The following PPFIBP1 variants were observed in gnomAD, a reference collection of about 807,000 sequenced individuals.
PPFIBP1 encodes the protein PPFIB scaffold protein 1, also known as liprin-beta-1.
PPFIBP1 carries 112 observed loss-of-function variants against 137.8 expected under a neutral mutation model. That is an observed-to-expected ratio of 0.81 (90% CI 0.70 to 0.95). The LOEUF (loss-of-function observed/expected upper bound fraction) is 0.95. PPFIBP1 is among the 40% of genes least tolerant of loss of function. The pLI is 0.00. For missense variants in PPFIBP1, 1,083 were observed against 1,196.6 expected, an observed-to-expected ratio of 0.91 and a Z score of 1.40; for synonymous variants, 378 against 417.3, an observed-to-expected ratio of 0.91 and a Z score of 1.15.
intron 2 of PPFIBP1, among the ~76,000 whole-genome samples, chr12:27,579,254 A>G (rs1389827046): frequency 1.3e-5 from 2 of 152,352 alleles, no homozygotes; most frequent in Non-Finnish European, 2.9e-5. Context: ...TATGCAAACC[A>G]AAGGGCACGG....
chr12:27,569,765 T>C (rs995378967), intron 1 of PPFIBP1, among the ~76,000 whole-genome samples: 1 of 152,154 alleles, frequency 6.6e-6, no homozygotes, highest in African/African-American at 2.4e-5. Context: ...TTCACCATAT[T>C]GGACAGGCTG....
At chr12:27,613,067 G>A (rs1329130167) in intron 2 of PPFIBP1, among the ~76,000 whole-genome samples, 1 of 152,118 alleles carries the variant, frequency 6.6e-6, no homozygotes, top group East Asian at 1.9e-4. Context: ...CATCTCTCCA[G>A]AAGAAATTAG....
intron 13 of PPFIBP1, among the ~76,000 whole-genome samples, chr12:27,669,287 GA>G (rs2060039561): frequency 1.3e-5 from 2 of 152,178 alleles, no homozygotes; most frequent in Admixed American, 6.5e-5. Context: ...TAAGGAATAA[GA>G]AATACTTTGG....
At chr12:27,555,899 A>C (rs1434615112) in intron 1 of PPFIBP1, among the ~76,000 whole-genome samples, 1 of 152,238 alleles carries the variant, frequency 6.6e-6, no homozygotes, top group East Asian at 1.9e-4. Context: ...GAGACTTTGC[A>C]TAAAAAAAGC....
chr12:27,572,185 A>C (rs993637623), intron 1 of PPFIBP1, among the ~76,000 whole-genome samples: 3 of 152,156 alleles, frequency 2.0e-5, no homozygotes, highest in African/African-American at 7.2e-5. Context: ...TAAATTTTGC[A>C]CTTCAGTCCA....
chr12:27,564,793 C>T (rs959270028), intron 1 of PPFIBP1, among the ~76,000 whole-genome samples: 4 of 152,126 alleles, frequency 2.6e-5, no homozygotes, highest in South Asian at 2.1e-4. Context: ...GTTCTCATGG[C>T]GTCCTCTCCT....
chr12:27,529,335 G>A (rs1198138795), intron 1 of PPFIBP1, among the ~76,000 whole-genome samples: 1 of 152,190 alleles, frequency 6.6e-6, no homozygotes, highest in African/African-American at 2.4e-5. Context: ...TTGTTAAGAG[G>A]TGAAACTCCA....
At chr12:27,607,016 G>A (rs1184665371) in intron 2 of PPFIBP1, among the ~76,000 whole-genome samples, 1 of 152,210 alleles carries the variant, frequency 6.6e-6, no homozygotes, top group Non-Finnish European at 1.5e-5. Flanking sequence ...ATTAAGCAAA[G>A]AATGGGGCCT....
At chr12:27,660,786 A>G in intron 10 of PPFIBP1, 98 bp from the exon 11 acceptor site, 1 of 1,486,896 alleles carries the variant, frequency 6.7e-7, no homozygotes, top group Non-Finnish European at 9.0e-7. Context: ...AATCATTAAC[A>G]TCTTTACCTT....
intron 9 of PPFIBP1, among the ~76,000 whole-genome samples, chr12:27,657,444 T>C (rs2113873): frequency 0.81 from 119,729 of 148,682 alleles, 48,291 homozygotes; most frequent in East Asian, 0.87. Flanking sequence ...TTATTACGAA[T>C]GATGACTGTG....
intron 2 of PPFIBP1, among the ~76,000 whole-genome samples, chr12:27,604,136 C>CT (rs1161682150): frequency 6.6e-6 from 1 of 152,116 alleles, no homozygotes; most frequent in Admixed American, 6.5e-5. Context: ...GGTTGATTCT[C>CT]TAAGTGGAAC....
intron 2 of PPFIBP1, among the ~76,000 whole-genome samples, chr12:27,581,625 A>G (rs890810965): frequency 3.3e-5 from 5 of 151,958 alleles, no homozygotes; most frequent in Admixed American, 6.6e-5. Context: ...AATCACTTTC[A>G]TTATTATGTG....
chr12:27,691,427 A>T (rs906856373), intron 27 of PPFIBP1, among the ~76,000 whole-genome samples: 4 of 152,108 alleles, frequency 2.6e-5, no homozygotes, highest in Admixed American at 2.6e-4. Flanking sequence ...AATAGTAATG[A>T]TGTAATCAAA....
At position 27,600,488 on chromosome 12, in the gene PPFIBP1, T is replaced by C. The variant is rs531548720; in HGVS notation, c.-36+22249T>C. Among the ~76,000 whole-genome samples, 53 of 152,094 alleles carry C rather than the reference T, an allele frequency of 3.5e-4. 1 individual carries two copies. Among genetic ancestry groups the C allele is most frequent in the African/African-American group, 1.1e-3 (46 of 41,516 alleles). ...ATACATTAACATACAGAAAATGATA[T>C]GACAAACGCCTGTGTACTTAAATCT... On this transcript the variant is annotated intron_variant, in intron 2 of 29. Transcript: ENST00000228425.
intron 2 of PPFIBP1, chr12:27,599,449 G>T (rs1350810055): frequency 4.4e-6 from 2 of 455,800 alleles, no homozygotes; most frequent in East Asian, 1.4e-4. Context: ...GCAGTTAGCA[G>T]ATCTTGGGAC....
chr12:27,621,742 A>G (rs1383126738), intron 2 of PPFIBP1, among the ~76,000 whole-genome samples: 1 of 152,198 alleles, frequency 6.6e-6, no homozygotes, highest in African/African-American at 2.4e-5. Flanking sequence ...GATTATTTAT[A>G]AAAACTTATT....
At chr12:27,680,217 C>T (rs1274713370) in intron 21 of PPFIBP1, among the ~76,000 whole-genome samples, 156 bp downstream of exon 21, 1 of 152,144 alleles carries the variant, frequency 6.6e-6, no homozygotes, top group African/African-American at 2.4e-5. Context: ...TGCAATTTGT[C>T]AATGGTTGAT....
intron 2 of PPFIBP1, among the ~76,000 whole-genome samples, chr12:27,601,814 A>G (rs904986913): frequency 6.6e-6 from 1 of 152,230 alleles, no homozygotes; most frequent in Admixed American, 6.5e-5. Flanking sequence ...TGCCACACAT[A>G]TAAACATTTC....
chr12:27,593,495 A>G (rs1439099220), intron 2 of PPFIBP1: 3 of 438,518 alleles, frequency 6.8e-6, no homozygotes, highest in African/African-American at 6.1e-5. Context: ...AGGTCTTGAC[A>G]AGCATCATGT....
Sources: gnomAD v4.1 joint callset for allele counts (sites outside exome capture counted in the v4.1 genomes callset) on GRCh38, gnomAD v4.1.1 for gene constraint, MANE v1.5 for transcripts, NCBI Gene and HGNC (gene_info 2026-07-23, HGNC 2026-07-21) for gene names.